JMJD1C: variants seen among roughly 807,000 people sequenced by gnomAD.
JMJD1C encodes the protein jumonji domain-containing protein 1C.
In JMJD1C, 31 loss-of-function variants were observed where a neutral mutation model predicts 245.3. The ratio of observed to expected loss-of-function variants is 0.13; its 90% CI spans 0.09 to 0.17. The LOEUF (loss-of-function observed/expected upper bound fraction) is 0.17. Among genes scored for constraint, JMJD1C ranks in the 10% least tolerant of loss-of-function variants. The pLI is 1.00. For synonymous variants in JMJD1C, 1,057 were observed against 1,017.4 expected (o/e 1.04, Z -0.74); for missense variants, 2,691 against 3,000.2 (o/e 0.90, Z 2.41).
chr10:63,243,103 T>TTTTATATATATATATATATATATA, intron 3 of JMJD1C, among the ~76,000 whole-genome samples: 1 of 120,108 alleles, frequency 8.3e-6, no homozygotes, highest in African/African-American at 3.1e-5. Flanking sequence ...CTAACATAAA[T>TTTTATATATATATATATATATATA]TATATATATA....
chr10:63,453,736 TTTTG>T (rs1952221382), intron 1 of JMJD1C, among the ~76,000 whole-genome samples: 1 of 152,162 alleles, frequency 6.6e-6, no homozygotes, highest in South Asian at 2.1e-4. Flanking sequence ...AATAGTTTTT[TTTTG>T]TTTTTTGTTT....
chr10:63,301,836 A>G (rs1860122449), intron 2 of JMJD1C: 1 of 394,940 alleles, frequency 2.5e-6, no homozygotes, highest in Non-Finnish European at 5.0e-6. Context: ...AAAATAAAAC[A>G]TTTTCACAAT....
At chr10:63,430,152 T>C (rs1029834024) in intron 1 of JMJD1C, among the ~76,000 whole-genome samples, 16 of 152,100 alleles carry the variant, frequency 1.1e-4, no homozygotes, top group Non-Finnish European at 2.1e-4. Context: ...ATACAAAAAA[T>C]AAAGTTGGGA....
intron 2 of JMJD1C, among the ~76,000 whole-genome samples, chr10:63,305,336 C>T (rs1937895133): frequency 6.7e-6 from 1 of 148,428 alleles, no homozygotes; most frequent in African/African-American, 2.5e-5. Context: ...CCACTGCACT[C>T]CAGCCTGGCG....
chr10:63,202,692 C>T, intron 10 of JMJD1C: 2 of 985,396 alleles, frequency 2.0e-6, no homozygotes, highest in Non-Finnish European at 2.4e-6. Flanking sequence ...CCACACACCA[C>T]ATCTCCCGGT....
At chr10:63,228,696 C>CAA (rs1490054941) in intron 3 of JMJD1C, among the ~76,000 whole-genome samples, 1 of 152,168 alleles carries the variant, frequency 6.6e-6, no homozygotes, top group African/African-American at 2.4e-5. Context: ...GCAATTTGAT[C>CAA]TAACTGACTG....
Position 63,207,032 on chromosome 10 carries a change from T to C in JMJD1C, c.4637A>G (p.Tyr1546Cys), listed in dbSNP as rs1473494556. Residue 1546 changes from tyrosine (Y) to cysteine (C), a missense_variant, in exon 10 of 26, where the codon TAC (tyrosine) becomes TGC (cysteine). By Grantham distance (194) the Tyr-to-Cys change is radical (BLOSUM62 -2). Coordinates refer to ENST00000399262, the MANE Select transcript of JMJD1C (RefSeq NM_032776.3). ...CCAGGCCTTTTTCAGTTTAGTATGG[T>C]AGTTTGGTTGACTTGTCTGGGAAGC... ...GQASQTSQPN[Y>C]HTKLKKAWLT... The C allele has an allele frequency of 2.5e-6, 4 of 1,614,040 alleles. No individual in the cohort carries two copies. Among genetic ancestry groups the C allele is most frequent in the Middle Eastern group, 1.6e-4 (1 of 6,084 alleles).
At chr10:63,424,228 CT>C (rs5785572) in intron 1 of JMJD1C, among the ~76,000 whole-genome samples, 87,980 of 139,688 alleles carry the variant, frequency 0.63, 29,475 homozygotes, top group Non-Finnish European at 0.76. Context: ...CCATACCCAG[CT>C]TTTTTTTTTT....
intron 2 of JMJD1C, among the ~76,000 whole-genome samples, chr10:63,366,291 C>T (rs1157216613): frequency 1.3e-5 from 2 of 152,136 alleles, no homozygotes; most frequent in African/African-American, 4.8e-5. Flanking sequence ...TACTGTCATA[C>T]ACTGTGATTG....
intron 2 of JMJD1C, among the ~76,000 whole-genome samples, chr10:63,334,240 G>A (rs935804110): frequency 2.0e-5 from 3 of 152,068 alleles, no homozygotes; most frequent in Admixed American, 6.6e-5. Context: ...GTTTTCTTCC[G>A]AATATAAATT....
intron 1 of JMJD1C, among the ~76,000 whole-genome samples, chr10:63,391,192 C>T (rs1332275677): frequency 6.6e-6 from 1 of 151,974 alleles, no homozygotes; most frequent in African/African-American, 2.4e-5. Flanking sequence ...TTTCTATATA[C>T]CAATAATGCA....
chr10:63,335,631 C>T (rs1319149467), intron 2 of JMJD1C, among the ~76,000 whole-genome samples: 1 of 152,130 alleles, frequency 6.6e-6, no homozygotes, highest in Non-Finnish European at 1.5e-5. Flanking sequence ...CCTGCCTCAG[C>T]CTCCCAAGTA....
chr10:63,241,509 C>T (rs991822682), intron 3 of JMJD1C, among the ~76,000 whole-genome samples: 4 of 152,120 alleles, frequency 2.6e-5, no homozygotes, highest in Non-Finnish European at 4.4e-5. Flanking sequence ...GCTTCAAAGG[C>T]TTTCACTCCA....
chr10:63,453,113 A>G (rs139613472), intron 1 of JMJD1C, among the ~76,000 whole-genome samples: 132 of 152,198 alleles, frequency 8.7e-4, no homozygotes, highest in Non-Finnish European at 1.5e-3. Context: ...CATCTCTACC[A>G]AAAGTGCAAA....
chr10:63,460,073 C>A (rs2133081133), intron 1 of JMJD1C, among the ~76,000 whole-genome samples: 1 of 152,286 alleles, frequency 6.6e-6, no homozygotes, highest in South Asian at 2.1e-4. Context: ...TGGCCTGTAC[C>A]AATCAATGGA....
In JMJD1C at chr10:63,225,511, C is replaced by T. The variant is rs183050363; in HGVS notation, c.448-5528G>A. 1.7e-3 allele frequency among the ~76,000 whole-genome samples: 265 copies of T among 152,166 alleles called. 1 individual carries two copies. The highest frequency in any genetic ancestry group is 5.9e-3 in the African/African-American group (245 of 41,522). On this transcript the variant is annotated intron_variant, in intron 3 of 25. Coordinates refer to ENST00000399262, the MANE Select transcript of JMJD1C (RefSeq NM_032776.3). ...AAAATAGCTACCATAAGGCCAGGCGCGGTGGCTCACACCTATAATCCCAGC... is the reference window on the plus strand; with the variant it reads ...AAAATAGCTACCATAAGGCCAGGCGTGGTGGCTCACACCTATAATCCCAGC...
At chr10:63,276,263 GA>G (rs1856759524) in intron 2 of JMJD1C, among the ~76,000 whole-genome samples, 1 of 151,954 alleles carries the variant, frequency 6.6e-6, no homozygotes, top group Non-Finnish European at 1.5e-5. Context: ...TCAGGAGATC[GA>G]GACCATCCTG....
intron 2 of JMJD1C, among the ~76,000 whole-genome samples, chr10:63,353,697 G>A (rs1944560411): frequency 6.6e-6 from 1 of 151,834 alleles, no homozygotes; most frequent in African/African-American, 2.4e-5. Flanking sequence ...AGTAGAGATG[G>A]GGTTTAACCA....
At chr10:63,411,445 C>G (rs141497534) in intron 1 of JMJD1C, among the ~76,000 whole-genome samples, 1 of 151,810 alleles carries the variant, frequency 6.6e-6, no homozygotes, top group Admixed American at 6.6e-5. Flanking sequence ...ATTACAGGTG[C>G]CCACCACCAT....
Sources: allele counts gnomAD v4.1 joint callset (sites outside exome capture counted in the v4.1 genomes callset), GRCh38; gene constraint gnomAD v4.1.1; transcripts MANE v1.5; gene names NCBI Gene and HGNC (gene_info 2026-07-23, HGNC 2026-07-21).